The following PCDH15 variants were observed in gnomAD, a reference collection of about 807,000 sequenced individuals.
PCDH15 encodes the protein protocadherin-15.
Under a neutral mutation model 178.5 loss-of-function variants are expected in PCDH15, and 129 were observed. That is an observed-to-expected ratio of 0.72 (90% CI 0.63 to 0.84). PCDH15 has a LOEUF of 0.84. Among genes scored for constraint, PCDH15 ranks in the 40% least tolerant of loss-of-function variants. The pLI, the probability that PCDH15 is intolerant of heterozygous loss-of-function variation, is 0.00. For missense variants in PCDH15, 2,230 were observed against 2,099.9 expected, an observed-to-expected ratio of 1.06 and a Z score of -1.21; for synonymous variants, 800 against 732.0, an observed-to-expected ratio of 1.09 and a Z score of -1.50.
At chr10:55,297,716 C>G (rs1056134921) in intron 1 of PCDH15, among the ~76,000 whole-genome samples, 1 of 151,988 alleles carries the variant, frequency 6.6e-6, no homozygotes, top group African/African-American at 2.4e-5. Context: ...AGGTGTTTGC[C>G]TAAATGAAAC....
chr10:53,825,197 A>G (rs987593011), intron 32 of PCDH15: 8 of 1,510,828 alleles, frequency 5.3e-6, no homozygotes, highest in Middle Eastern at 2.2e-4. Context: ...AGAAGTTTTT[A>G]CTAGAGTTAA....
At chr10:54,963,690 C>A (rs570339702) in intron 2 of PCDH15, among the ~76,000 whole-genome samples, 3 of 152,328 alleles carry the variant, frequency 2.0e-5, no homozygotes, top group African/African-American at 7.2e-5. Flanking sequence ...TTTGCTAGAA[C>A]TCCCCTTTTC....
chr10:54,949,414 C>T (rs576327357), intron 2 of PCDH15, among the ~76,000 whole-genome samples: 1 of 151,948 alleles, frequency 6.6e-6, no homozygotes, highest in East Asian at 2.0e-4. Flanking sequence ...GAGAAACCAC[C>T]CCCATGATTC....
chr10:54,791,717 T>A (rs1951431326), intron 1 of PCDH15, among the ~76,000 whole-genome samples: 1 of 151,962 alleles, frequency 6.6e-6, no homozygotes, highest in Non-Finnish European at 1.5e-5. Context: ...AAGCCATCAA[T>A]ACATTATGGT....
intron 28 of PCDH15, among the ~76,000 whole-genome samples, chr10:53,851,242 T>C (rs2078335954): frequency 6.6e-6 from 1 of 152,068 alleles, no homozygotes; most frequent in Non-Finnish European, 1.5e-5. Context: ...CAAAATTTTC[T>C]ACTTGATACT....
intron 2 of PCDH15, among the ~76,000 whole-genome samples, chr10:54,656,883 C>A (rs776718042): frequency 2.1e-4 from 32 of 152,162 alleles, no homozygotes; most frequent in Non-Finnish European, 4.1e-4. Flanking sequence ...TCTACTCTTG[C>A]AGACACAGCA....
chr10:54,021,529 C>A (rs558931137), intron 19 of PCDH15, among the ~76,000 whole-genome samples: 6 of 152,060 alleles, frequency 3.9e-5, no homozygotes, highest in Non-Finnish European at 7.4e-5. Flanking sequence ...CCCCTCACCC[C>A]TCACACTTTC....
chr10:54,147,006 G>GTA (rs1251796468), intron 14 of PCDH15, among the ~76,000 whole-genome samples: 219 of 135,208 alleles, frequency 1.6e-3, no homozygotes, highest in South Asian at 3.6e-3. Context: ...TATATATAGT[G>GTA]TATATATAAT....
chr10:54,906,584 T>C (rs1023509174), intron 2 of PCDH15, among the ~76,000 whole-genome samples: 1 of 152,156 alleles, frequency 6.6e-6, no homozygotes, highest in African/African-American at 2.4e-5. Context: ...AACAATTAGC[T>C]CAGTGCTAGG....
At chr10:55,588,927 C>A (rs999252425) in intron 2 of PCDH15, among the ~76,000 whole-genome samples, 5 of 151,700 alleles carry the variant, frequency 3.3e-5, no homozygotes, top group Non-Finnish European at 7.4e-5. Flanking sequence ...ACCAAAAATA[C>A]AAAATTAGCC....
intron 2 of PCDH15, among the ~76,000 whole-genome samples, chr10:54,923,637 C>T (rs1429214586): frequency 7.2e-6 from 1 of 137,978 alleles, no homozygotes; most frequent in Non-Finnish European, 1.7e-5. Flanking sequence ...TAGATTATCT[C>T]TCTCAAGTTC....
chr10:54,584,535 C>G (rs932393954), intron 2 of PCDH15, among the ~76,000 whole-genome samples: 19 of 152,150 alleles, frequency 1.2e-4, no homozygotes, highest in Admixed American at 5.9e-4. Context: ...TAAATCTATC[C>G]AGGGTAATAT....
intron 2 of PCDH15, among the ~76,000 whole-genome samples, chr10:54,625,372 C>T (rs1000037155): frequency 6.6e-6 from 1 of 152,114 alleles, no homozygotes; most frequent in Non-Finnish European, 1.5e-5. Context: ...GGACCCATAG[C>T]CAATGATATG....
At chr10:53,840,771 T>G (rs2132767362) in intron 28 of PCDH15, among the ~76,000 whole-genome samples, 1 of 152,332 alleles carries the variant, frequency 6.6e-6, no homozygotes, top group Non-Finnish European at 1.5e-5. Context: ...TTTGAGCTTT[T>G]ACATGAGAAA....
intron 2 of PCDH15, among the ~76,000 whole-genome samples, chr10:55,379,364 G>A (rs954292646): frequency 8.6e-5 from 13 of 150,778 alleles, no homozygotes; most frequent in African/African-American, 2.7e-4. Context: ...TTATTTAAAG[G>A]GTAAAAGAGA....
intron 1 of PCDH15, among the ~76,000 whole-genome samples, chr10:54,753,180 G>T (rs965877060): frequency 6.6e-6 from 1 of 152,128 alleles, no homozygotes; most frequent in African/African-American, 2.4e-5. Flanking sequence ...TAAGAAAATA[G>T]AGACGTGATT....
chr10:54,946,227 C>T (rs1396665415), intron 2 of PCDH15, among the ~76,000 whole-genome samples: 1 of 151,722 alleles, frequency 6.6e-6, no homozygotes, highest in Non-Finnish European at 1.5e-5. Flanking sequence ...TATCACAGCC[C>T]AGGGTATAGG....
At chr10:54,722,594 A>AT (rs1555168939) in intron 1 of PCDH15, among the ~76,000 whole-genome samples, 16,394 of 149,116 alleles carry the variant, frequency 0.11, 982 homozygotes, top group African/African-American at 0.15. Flanking sequence ...AAAAAAAAAA[A>AT]TGTCAAATTA....
intron 18 of PCDH15, among the ~76,000 whole-genome samples, chr10:54,047,149 T>C (rs1290980275): frequency 6.6e-6 from 1 of 152,086 alleles, no homozygotes; most frequent in Non-Finnish European, 1.5e-5. Flanking sequence ...TGGATATACA[T>C]TAAATAATTT....
Sources: gnomAD v4.1 joint callset for allele counts (sites outside exome capture counted in the v4.1 genomes callset) on GRCh38, gnomAD v4.1.1 for gene constraint, MANE v1.5 for transcripts, NCBI Gene and HGNC (gene_info 2026-07-23, HGNC 2026-07-21) for gene names.